The following GABRG3 variants were observed in gnomAD, a reference collection of about 807,000 sequenced individuals.
GABRG3 encodes gamma-aminobutyric acid receptor subunit gamma-3.
In GABRG3, 25 loss-of-function variants were observed where a neutral mutation model predicts 48.8. The ratio of observed to expected loss-of-function variants is 0.51; its 90% confidence interval spans 0.37 to 0.72. The LOEUF (loss-of-function observed/expected upper bound fraction) is 0.72. Among genes scored for constraint, GABRG3 ranks in the 30% least tolerant of loss-of-function variants. The probability of loss-of-function intolerance (pLI) is 0.00; values close to 1 mark genes in which losing one functional copy is unlikely to be tolerated. For synonymous variants in GABRG3, 227 were observed against 217.6 expected (o/e 1.04, Z -0.38); for missense variants, 394 against 577.9 (o/e 0.68, Z 3.26).
chr15:27,498,570 A>T (rs1890542154), intron 6 of GABRG3, among the ~76,000 whole-genome samples: 1 of 151,852 alleles, frequency 6.6e-6, no homozygotes, highest in Non-Finnish European at 1.5e-5. Context: ...ATGTCGGCTC[A>T]CTGCAACCTC....
chr15:27,328,944 G>T (rs1490115346), intron 5 of GABRG3, 56 bp downstream of exon 5: 32 of 1,355,838 alleles, frequency 2.4e-5, no homozygotes, highest in Non-Finnish European at 3.3e-5. Context: ...GCCTAGCCTG[G>T]TACTGCTTCT....
chr15:27,500,148 C>T (rs74507093), intron 6 of GABRG3, among the ~76,000 whole-genome samples: 5,259 of 152,084 alleles, frequency 0.035, 298 homozygotes, highest in African/African-American at 0.12. Context: ...GAAATGAACA[C>T]GAGGGAACTG....
chr15:27,153,689 G>C (rs901122000), intron 3 of GABRG3, among the ~76,000 whole-genome samples: 2 of 151,882 alleles, frequency 1.3e-5, no homozygotes, highest in African/African-American at 4.8e-5. Flanking sequence ...TCTTCTCAAC[G>C]TATATATTTT....
intron 5 of GABRG3, among the ~76,000 whole-genome samples, chr15:27,368,497 T>G (rs1474397109): frequency 6.6e-6 from 1 of 152,246 alleles, no homozygotes; most frequent in African/African-American, 2.4e-5. Flanking sequence ...ATAATTATAA[T>G]AAGAACACAA....
intron 3 of GABRG3, among the ~76,000 whole-genome samples, chr15:27,222,753 G>A (rs763153808): frequency 1.3e-5 from 2 of 152,182 alleles, no homozygotes; most frequent in African/African-American, 2.4e-5. Context: ...AGATATCATG[G>A]TCCTCTGATT....
chr15:27,480,915 A>T, intron 6 of GABRG3, 128 bp downstream of exon 6: 1 of 1,427,922 alleles, frequency 7.0e-7, no homozygotes, highest in Non-Finnish European at 9.2e-7. Context: ...AGACAAAACA[A>T]GTGATTCAAA....
At position 27,398,694 on chromosome 15, in the gene GABRG3, C is replaced by G. The variant is rs867657306; in HGVS notation, c.574+69806C>G. On this transcript the variant is annotated intron_variant, in intron 5 of 9. Transcript: ENST00000615808. ...CACACACACACACACACACACCCCT[C>G]TATTATAGGACAATGAAAGACATTG... Among the ~76,000 whole-genome samples the G allele has an allele frequency of 1.9e-4, 29 of 149,588 alleles. 1 individual carries two copies. Among genetic ancestry groups the G allele is most frequent in the Admixed American group, 5.3e-4 (8 of 15,136 alleles).
In GABRG3 at chr15:27,031,735, G is replaced by A. The variant is rs907493872; in HGVS notation, c.270+4914G>A. On this transcript the variant is annotated intron_variant, in intron 3 of 9. Coordinates refer to ENST00000615808, the MANE Select transcript of GABRG3 (RefSeq NM_033223.5). ...TGTGGCTGAAGCTTTAAGAAGTGAA[G>A]TCAGGATACCAAGTCCTGATTAGGG... Among the ~76,000 whole-genome samples, 20 of 152,194 alleles carry A rather than the reference G, an allele frequency of 1.3e-4. 1 individual carries two copies. Among genetic ancestry groups the A allele is most frequent in the Non-Finnish European group, 1.5e-5 (1 of 68,044 alleles).
Position 27,167,590 on chromosome 15 carries a change from G to A in GABRG3, c.270+140769G>A, listed in dbSNP as rs1031732320. Among the ~76,000 whole-genome samples the A allele has an allele frequency of 5.3e-5, 8 of 152,248 alleles. No homozygotes were observed. The East Asian group carries it at 1.4e-3, about 26-fold the overall frequency. ...TAAATCCCTCCACATACTACTAGTT[G>A]GAGCTCAAAAATGAGACCCCTCTCA... On this transcript the variant is annotated intron_variant, in intron 3 of 9. Transcript: ENST00000615808.
intron 2 of GABRG3, among the ~76,000 whole-genome samples, chr15:26,984,890 C>T (rs1388409009): frequency 6.6e-6 from 1 of 152,152 alleles, no homozygotes; most frequent in African/African-American, 2.4e-5. Flanking sequence ...TGAATAGACA[C>T]TCTGTGGAGT....
chr15:27,316,347 C>T (rs1352009293), intron 3 of GABRG3, among the ~76,000 whole-genome samples: 1 of 140,616 alleles, frequency 7.1e-6, no homozygotes, highest in South Asian at 2.2e-4. Flanking sequence ...GAGATCCCGC[C>T]ACTGCACTCC....
Position 27,384,738 on chromosome 15 carries a change from A to G in GABRG3, c.574+55850A>G, listed in dbSNP as rs576830138. Among the ~76,000 whole-genome samples the G allele has an allele frequency of 5.3e-5, 8 of 152,352 alleles. No individual in the cohort carries two copies. In the East Asian group the frequency reaches 1.5e-3, roughly 29 times the overall value. ...GAGTCTTGTTAATAATACAAGTAAT[A>G]GAAATGGCACTAAAATGTTAAACTC... On this transcript the variant is annotated intron_variant, in intron 5 of 9. Transcript: ENST00000615808.
chr15:27,461,228 A>G (rs78145414), intron 5 of GABRG3, among the ~76,000 whole-genome samples: 2,250 of 152,274 alleles, frequency 0.015, 65 homozygotes, highest in African/African-American at 0.052. Context: ...TCCTGCCTTC[A>G]TTCAAGCTGT....
chr15:27,255,719 C>G (rs1003505386), intron 3 of GABRG3, among the ~76,000 whole-genome samples: 2 of 152,124 alleles, frequency 1.3e-5, no homozygotes, highest in African/African-American at 4.8e-5. Context: ...ATGCTGATTT[C>G]TGAACTTCAG....
intron 3 of GABRG3, among the ~76,000 whole-genome samples, chr15:27,259,719 A>C (rs1450872548): frequency 6.6e-6 from 1 of 152,014 alleles, no homozygotes; most frequent in Non-Finnish European, 1.5e-5. Context: ...CCCTCTTTCC[A>C]CCATCCTTTC....
chr15:27,192,064 T>C (rs976739501), intron 3 of GABRG3, among the ~76,000 whole-genome samples: 3 of 152,202 alleles, frequency 2.0e-5, no homozygotes, highest in African/African-American at 7.2e-5. Flanking sequence ...CCCACTCTCT[T>C]CTGGCTTGTA....
intron 2 of GABRG3, among the ~76,000 whole-genome samples, chr15:27,007,944 A>G (rs1023656200): frequency 2.0e-5 from 3 of 152,092 alleles, no homozygotes; most frequent in Admixed American, 1.3e-4. Context: ...CTTTTTTTGC[A>G]ATTGCTTTTG....
intron 2 of GABRG3, among the ~76,000 whole-genome samples, chr15:27,005,693 GT>G (rs1895571046): frequency 6.6e-6 from 1 of 152,128 alleles, no homozygotes; most frequent in Non-Finnish European, 1.5e-5. Flanking sequence ...TATAGGAGCA[GT>G]CGGAATTTGG....
intron 5 of GABRG3, among the ~76,000 whole-genome samples, chr15:27,441,672 G>A (rs1888788638): frequency 6.6e-6 from 1 of 152,110 alleles, no homozygotes; most frequent in African/African-American, 2.4e-5. Context: ...TTCAAATCAG[G>A]GGGATTGGGG....
Sources: allele counts gnomAD v4.1 joint callset (sites outside exome capture counted in the v4.1 genomes callset), GRCh38; gene constraint gnomAD v4.1.1; transcripts MANE v1.5; gene names NCBI Gene and HGNC (gene_info 2026-07-23, HGNC 2026-07-21).